DUSP10: variants seen among roughly 807,000 people sequenced by gnomAD.
The protein encoded by DUSP10 is dual specificity phosphatase 10, also known as dual specificity protein phosphatase 10.
Under a neutral mutation model 30.8 loss-of-function variants are expected in DUSP10, and 14 were observed. The ratio of observed to expected loss-of-function variants is 0.46; its 90% CI spans 0.30 to 0.71. The LOEUF is 0.71. Ranked by LOEUF, DUSP10 falls within the 30% of genes least tolerant of loss-of-function variation. The pLI is 0.08. For synonymous variants in DUSP10, 254 were observed against 250.4 expected, an observed-to-expected ratio of 1.01 and a Z score of -0.14; for missense variants, 550 against 619.4, an observed-to-expected ratio of 0.89 and a Z score of 1.19.
At chr1:221,718,269 T>G (rs753632488) in intron 2 of DUSP10, among the ~76,000 whole-genome samples, 52 of 152,140 alleles carry the variant, frequency 3.4e-4, no homozygotes, top group Non-Finnish European at 5.0e-4. Context: ...CCCTCCTCAT[T>G]AGATATATGC....
intron 3 of DUSP10, among the ~76,000 whole-genome samples, chr1:221,703,373 A>G (rs1381281113): frequency 6.6e-6 from 1 of 152,174 alleles, no homozygotes; most frequent in Admixed American, 6.5e-5. Context: ...CTGTACAGGA[A>G]CGGGCATTAA....
Position 221,738,994 on chromosome 1 carries a change from G to C in DUSP10, c.751C>G (p.Pro251Ala), listed in dbSNP as rs757361334. 4.3e-6 allele frequency: 7 copies of C among 1,614,004 alleles called. No individual in the cohort carries two copies. In the Admixed American group the frequency reaches 1.2e-4, roughly 27 times the overall value. ...AGGGACTCGAGGACTATGTGAAGTG[G>C]CTGGGAGGGCATCACTCGGCTTGGT... ...NEPSRVMPSQ[P>A]LHIVLESLKR... The change falls in exon 2 of 4, where the codon CCA becomes GCA. Residue 251 changes from proline (P) to alanine (A), a missense_variant. Physicochemically the swap from Pro to Ala is conservative, Grantham distance 27. Transcript: ENST00000366899.
At chr1:221,704,149 TG>T (rs2102610773) in intron 3 of DUSP10, among the ~76,000 whole-genome samples, 1 of 152,318 alleles carries the variant, frequency 6.6e-6, no homozygotes, top group African/African-American at 2.4e-5. Context: ...ACACTCTCAG[TG>T]AAAGCTATTA....
intron 2 of DUSP10, among the ~76,000 whole-genome samples, chr1:221,722,583 C>T (rs1242179581): frequency 2.0e-5 from 3 of 152,202 alleles, no homozygotes; most frequent in Non-Finnish European, 4.4e-5. Context: ...TTTATACATT[C>T]CAAAATCTTG....
chr1:221,725,673 G>A (rs1303675313), intron 2 of DUSP10, among the ~76,000 whole-genome samples: 1 of 152,124 alleles, frequency 6.6e-6, no homozygotes, highest in Non-Finnish European at 1.5e-5. Context: ...TGAACTAATG[G>A]GAATTATCTT....
chr1:221,710,224 C>T (rs1244867883), intron 2 of DUSP10, among the ~76,000 whole-genome samples: 2 of 152,192 alleles, frequency 1.3e-5, no homozygotes, highest in African/African-American at 4.8e-5. Flanking sequence ...TCCAACAGAT[C>T]TATGCACACG....
Position 221,738,980 on chromosome 1 carries a change from G to A in DUSP10, c.765C>T (p.Val255=), listed in dbSNP as rs1252755304. ...RVMPSQPLHI[V]LESLKREGKE... is the part of the protein sequence containing the mutation. ...TGCCTTCTCTCTTCAGGGACTCGAG[G>A]ACTATGTGAAGTGGCTGGGAGGGCA... The change falls in exon 2 of 4, where the codon GTC becomes GTT. Residue 255 remains valine (V), a synonymous_variant. Coordinates refer to ENST00000366899, the MANE Select transcript of DUSP10 (RefSeq NM_007207.6). The A allele has an allele frequency of 1.2e-6, 2 of 1,613,964 alleles. No individual in the cohort carries two copies. The highest frequency in any genetic ancestry group is 2.7e-5 in the African/African-American group (2 of 74,918).
In DUSP10 at chr1:221,709,287, T is replaced by C. The variant is rs566471784; in HGVS notation, c.812-2821A>G. Among the ~76,000 whole-genome samples the C allele has an allele frequency of 7.3e-5, 11 of 151,430 alleles. No homozygotes were observed. In the South Asian group the frequency reaches 2.1e-3, roughly 29 times the overall value. ...AATGATGTAATGCTAACAGGTGGCA[T>C]GGGCCTTCCATTTGCCTAATGGGGG... On this transcript the variant is annotated intron_variant, in intron 2 of 3. Transcript: ENST00000366899.
intron 2 of DUSP10, among the ~76,000 whole-genome samples, chr1:221,732,185 A>G (rs764409906): frequency 2.6e-5 from 4 of 152,340 alleles, no homozygotes; most frequent in Middle Eastern, 3.4e-3. Context: ...AACAATATTT[A>G]TTGAACAAAC....
intron 2 of DUSP10, among the ~76,000 whole-genome samples, chr1:221,727,402 A>C (rs184248260): frequency 6.6e-6 from 1 of 152,226 alleles, no homozygotes; most frequent in Non-Finnish European, 1.5e-5. Context: ...GTTAGGAAAC[A>C]TGAATCCTAT....
rs138055497 is a variant in DUSP10, at chr1:221,741,414, T to TCACA, written c.-44+563_-44+566dup. 3.3e-3 allele frequency among the ~76,000 whole-genome samples: 496 copies of TCACA among 150,270 alleles called. 7 individuals carry two copies. In the East Asian group the frequency reaches 0.056, roughly 17 times the overall value. On this transcript the variant is annotated intron_variant, in intron 1 of 3. Transcript: ENST00000366899. ...CCCACCTCCACACAGAGTTCAAGGCTCACACACACACACACGGAGTGTATA... is the reference window on the plus strand; with the variant it reads ...CCCACCTCCACACAGAGTTCAAGGCTCACACACACACACACACACGGAGTGTATA...
intron 2 of DUSP10, among the ~76,000 whole-genome samples, chr1:221,738,608 C>T (rs1345819035): frequency 3.3e-5 from 5 of 152,186 alleles, no homozygotes; most frequent in Admixed American, 3.3e-4. Context: ...AGCTAGCAGA[C>T]CAGGCATGAC....
chr1:221,728,950 G>A lies in DUSP10; in HGVS notation c.811+9984C>T, dbSNP rs191219195. On this transcript the variant is annotated intron_variant, in intron 2 of 3. Transcript: ENST00000366899. Reference sequence around the variant, plus strand: ...AATTCTAAGGTTCCAGATATCAAAAGCAAACTGAGCAGAAGTATACCAGAG... The same window carrying A: ...AATTCTAAGGTTCCAGATATCAAAAACAAACTGAGCAGAAGTATACCAGAG... Among the ~76,000 whole-genome samples the A allele has an allele frequency of 1.3e-4, 20 of 152,274 alleles. No homozygotes were observed. In the East Asian group the frequency reaches 3.5e-3, roughly 26 times the overall value.
intron 1 of DUSP10, among the ~76,000 whole-genome samples, chr1:221,740,851 T>G (rs553869993): frequency 3.9e-4 from 60 of 152,308 alleles, no homozygotes; most frequent in African/African-American, 1.4e-3. Context: ...AAAAGACAGC[T>G]CCTTCCTCCT....
chr1:221,729,595 A>G (rs980018340), intron 2 of DUSP10, among the ~76,000 whole-genome samples: 1 of 152,228 alleles, frequency 6.6e-6, no homozygotes, highest in African/African-American at 2.4e-5. Context: ...AGAACTAAAT[A>G]AGACACATAT....
chr1:221,702,945 G>C lies in DUSP10; in HGVS notation c.1184-268C>G, dbSNP rs886429550. On this transcript the variant is annotated intron_variant, in intron 3 of 3. Transcript: ENST00000366899. The surrounding 1 kb of genome is among the most constrained non-coding windows in gnomAD (Gnocchi z 4.5). ...AATGAAAGAATTGCTCATAGGAACA[G>C]TTTGCTGCACAGGTGACAGCAGTGG... Among the ~76,000 whole-genome samples the C allele has an allele frequency of 6.6e-6, 1 of 152,164 alleles. No homozygotes were observed. The highest frequency in any genetic ancestry group is 2.4e-5 in the African/African-American group (1 of 41,430).
In DUSP10 at chr1:221,705,171, G is replaced by A. The variant is rs551429345; in HGVS notation, c.1183+924C>T. On this transcript the variant is annotated intron_variant, in intron 3 of 3. Coordinates refer to ENST00000366899, the MANE Select transcript of DUSP10 (RefSeq NM_007207.6). ...GTTGCCCAGGCTGGAGTGCAGTGGC[G>A]TGATCTCAGCTCACTGCAACCTCCG... Among the ~76,000 whole-genome samples, 63 of 151,022 alleles carry A rather than the reference G, an allele frequency of 4.2e-4. 1 individual carries two copies. The highest frequency in any genetic ancestry group is 1.1e-3 in the Admixed American group (17 of 15,184).
In DUSP10 at chr1:221,706,245, G is replaced by A. The variant is rs867739134; in HGVS notation, c.1033C>T (p.Arg345Trp). ...TTGATGACGTAGCCGATGTTCAGCC[G>A]CTGCATGGTGTCCAGGTCCTGAGCA... ...QDAQDLDTMQ[R>W]LNIGYVINVT... The change falls in exon 3 of 4, where the codon CGG becomes TGG. Residue 345 changes from arginine (R) to tryptophan (W), a missense_variant. By Grantham distance (101) the Arg-to-Trp change is moderately radical. Coordinates refer to ENST00000366899, the MANE Select transcript of DUSP10 (RefSeq NM_007207.6). The surrounding 1 kb of genome is among the most constrained non-coding windows in gnomAD (Gnocchi z 4.6). 1.3e-5 allele frequency: 21 copies of A among 1,614,056 alleles called. No homozygotes were observed. Among genetic ancestry groups the A allele is most frequent in the African/African-American group, 5.3e-5 (4 of 74,906 alleles).
chr1:221,734,550 C>T (rs577496842), intron 2 of DUSP10, among the ~76,000 whole-genome samples: 2 of 152,286 alleles, frequency 1.3e-5, no homozygotes, highest in African/African-American at 4.8e-5. Context: ...AAGTTCTGAA[C>T]ACTTTACACA....
Sources: allele counts gnomAD v4.1 joint callset (sites outside exome capture counted in the v4.1 genomes callset), GRCh38; gene constraint gnomAD v4.1.1; non-coding constraint Gnocchi (gnomAD v3.1); transcripts MANE v1.5; gene names NCBI Gene and HGNC (gene_info 2026-07-23, HGNC 2026-07-21).